Variants in CBL observed in about 807,000 individuals in gnomAD.
CBL encodes the protein E3 ubiquitin-protein ligase CBL.
CBL carries 45 observed loss-of-function variants against 96.9 expected under a neutral mutation model. The ratio of observed to expected loss-of-function variants is 0.46; its 90% CI spans 0.37 to 0.60. The LOEUF is 0.60. CBL is among the 20% of genes least tolerant of loss of function. The probability of loss-of-function intolerance (pLI) is 0.00; values close to 1 mark genes in which losing one functional copy is unlikely to be tolerated. For synonymous variants in CBL, 420 were observed against 426.8 expected, an observed-to-expected ratio of 0.98 and a Z score of 0.20; for missense variants, 1,024 against 1,143.5, an observed-to-expected ratio of 0.90 and a Z score of 1.51.
chr11:119,277,350 C>T (rs915072971), intron 6 of CBL, among the ~76,000 whole-genome samples: 1 of 151,726 alleles, frequency 6.6e-6, no homozygotes, highest in Non-Finnish European at 1.5e-5. Flanking sequence ...CCTGTTTGTT[C>T]CCCCGGGGAG....
At chr11:119,206,865 A>G (rs1949273943) in intron 1 of CBL, among the ~76,000 whole-genome samples, 1 of 150,330 alleles carries the variant, frequency 6.7e-6, no homozygotes, top group Non-Finnish European at 1.5e-5. Flanking sequence ...CCAGACAAAG[A>G]TGGAGTGGGG....
chr11:119,273,814 C>T (rs765568735), intron 3 of CBL, 54 bp from the exon 4 acceptor site: 1 of 1,499,030 alleles, frequency 6.7e-7, no homozygotes, highest in Non-Finnish European at 9.3e-7. Flanking sequence ...TATGGCGATG[C>T]CTGGAATTAT....
intron 9 of CBL, among the ~76,000 whole-genome samples, chr11:119,279,492 T>TA (rs36040058): frequency 0.38 from 55,851 of 147,958 alleles, 11,801 homozygotes; most frequent in South Asian, 0.6. Context: ...TGCCCCCCCC[T>TA]AAAAAAAAAA....
At chr11:119,234,708 G>A (rs1263301307) in intron 2 of CBL, among the ~76,000 whole-genome samples, 3 of 152,158 alleles carry the variant, frequency 2.0e-5, no homozygotes, top group African/African-American at 7.2e-5. Flanking sequence ...TGAGGTGGGA[G>A]GATTATTTCA....
chr11:119,278,631 C>T lies in CBL; in HGVS notation c.1349C>T (p.Ala450Val), dbSNP rs2135304733. 6.2e-7 allele frequency: 1 copy of T among 1,613,978 alleles called. No homozygotes were observed. The highest frequency in any genetic ancestry group is 8.5e-7 in the Non-Finnish European group (1 of 1,179,924). The change falls in exon 9 of 16, where the codon GCT (alanine) becomes GTT (valine). Residue 450 changes from alanine to valine, a missense_variant. Ala to Val is a moderately conservative substitution (Grantham distance 64, BLOSUM62 0). Coordinates refer to ENST00000264033, the MANE Select transcript of CBL (RefSeq NM_005188.4). ...GSLLRQGAEG[A>V]PSPNYDDDDD... ...CTGTTGAGGCAAGGAGCAGAGGGAG[C>T]TCCCTCCCCAAATTATGATGATGAT...
intron 1 of CBL, among the ~76,000 whole-genome samples, chr11:119,209,381 G>GC (rs1181906683): frequency 7.9e-5 from 12 of 152,322 alleles, no homozygotes; most frequent in African/African-American, 2.6e-4. Flanking sequence ...ACTTTGGGAG[G>GC]CCGAGGTGGG....
intron 2 of CBL, among the ~76,000 whole-genome samples, chr11:119,236,725 T>C (rs1180125569): frequency 1.3e-5 from 2 of 151,838 alleles, no homozygotes; most frequent in East Asian, 3.8e-4. Context: ...TTCTTTCCCC[T>C]AGCAATGTAT....
At chr11:119,269,246 CTTTTT>C (rs11317875) in intron 2 of CBL, among the ~76,000 whole-genome samples, 10 of 118,338 alleles carry the variant, frequency 8.5e-5, no homozygotes, top group Admixed American at 8.5e-5. Context: ...TGGATAAGTG[CTTTTT>C]TTTTTTTTTT....
chr11:119,231,753 G>T (rs187292444), intron 1 of CBL, among the ~76,000 whole-genome samples: 1 of 152,088 alleles, frequency 6.6e-6, no homozygotes, highest in Non-Finnish European at 1.5e-5. Flanking sequence ...AGAGTACAGA[G>T]ATTTACCTCC....
At chr11:119,249,580 A>G (rs976443140) in intron 2 of CBL, among the ~76,000 whole-genome samples, 8 of 151,260 alleles carry the variant, frequency 5.3e-5, no homozygotes, top group South Asian at 2.1e-4. Context: ...CTGTGGGCAC[A>G]TTATAGAGAA....
chr11:119,273,764 G>T (rs1429541010), intron 3 of CBL, 104 bp from the exon 4 acceptor site: 5 of 947,410 alleles, frequency 5.3e-6, no homozygotes, highest in Admixed American at 4.0e-5. Context: ...ATTGAAATTG[G>T]TATTGAGAGC....
At chr11:119,222,368 T>G (rs1224030557) in intron 1 of CBL, among the ~76,000 whole-genome samples, 1 of 152,222 alleles carries the variant, frequency 6.6e-6, no homozygotes, top group Non-Finnish European at 1.5e-5. Context: ...CATAACACTT[T>G]CCAAATTTTT....
intron 2 of CBL, among the ~76,000 whole-genome samples, chr11:119,249,865 G>A (rs1052261014): frequency 6.6e-6 from 1 of 151,710 alleles, no homozygotes; most frequent in African/African-American, 2.4e-5. Context: ...TGTTGCCCAG[G>A]CTGGTCTCAA....
rs557613837 is a variant in CBL at position 119,296,976 on chromosome 11, G to A, written c.2095G>A (p.Glu699Lys). ...GCAATGTGAGGGTGAAGAGGACACAGAGTACATGACTCCCTCTTCCAGGCC... is the reference window on the plus strand; with the variant it reads ...GCAATGTGAGGGTGAAGAGGACACAAAGTACATGACTCCCTCTTCCAGGCC... ...GEQCEGEEDT[E>K]YMTPSSRPLR... Residue 699 changes from glutamate to lysine, a missense_variant, in exon 13 of 16, where the codon GAG becomes AAG. Glu to Lys is a moderately conservative substitution (Grantham distance 56, BLOSUM62 1). Transcript: ENST00000264033. 1 of 1,612,766 alleles carries A rather than the reference G, an allele frequency of 6.2e-7. No individual in the cohort carries two copies. The highest frequency in any genetic ancestry group is 1.1e-5 in the South Asian group (1 of 91,050).
chr11:119,238,757 G>A (rs1169562732), intron 2 of CBL, among the ~76,000 whole-genome samples: 13 of 152,044 alleles, frequency 8.6e-5, no homozygotes, highest in Admixed American at 7.9e-4. Context: ...CTTGAACCCA[G>A]GAGGCGGAGG....
At position 119,305,737 on chromosome 11, in the gene CBL, A is replaced by G. The variant is rs997801579; in HGVS notation, c.*5956A>G. 4.0e-5 allele frequency: 9 copies of G among 226,528 alleles called. No homozygotes were observed. The highest frequency in any genetic ancestry group is 2.0e-4 in the African/African-American group (9 of 44,908). 14.0% of individuals were successfully genotyped at this position (226,528 alleles called of 1,614,324 possible). A position where few individuals can be genotyped will look rare whatever the true frequency, so the allele number is the denominator to read the frequency against. ...TGGCAATTGCTTTCATTTTAGTCCT[A>G]TATAAAAGCTTTCCTTTTCTGTTTT... On this transcript the variant is annotated 3_prime_UTR_variant, in exon 16 of 16. Transcript: ENST00000264033.
At chr11:119,250,107 A>G (rs576555938) in intron 2 of CBL, among the ~76,000 whole-genome samples, 4 of 152,254 alleles carry the variant, frequency 2.6e-5, no homozygotes, top group Admixed American at 2.0e-4. Context: ...ACCTTGTTCT[A>G]CACTGGATTC....
chr11:119,305,380 G>C lies in CBL; in HGVS notation c.*5599G>C. The C allele has an allele frequency of 4.3e-6, 1 of 231,184 alleles. No homozygotes were observed. The allele number at this position is 231,184 out of a possible 1,614,324, so 14.3% of individuals were successfully genotyped here. On this transcript the variant is annotated 3_prime_UTR_variant, in exon 16 of 16. Coordinates refer to ENST00000264033, the MANE Select transcript of CBL (RefSeq NM_005188.4). Reference sequence around the variant, plus strand: ...TTTTGCCTTCTTCCGTGTTTATTTAGAGAGCAGAATCTAATAACGGGTTCC... The same window carrying C: ...TTTTGCCTTCTTCCGTGTTTATTTACAGAGCAGAATCTAATAACGGGTTCC...
At chr11:119,260,582 TAA>T in intron 2 of CBL, among the ~76,000 whole-genome samples, 1 of 151,696 alleles carries the variant, frequency 6.6e-6, no homozygotes, top group East Asian at 1.9e-4. Context: ...TGGTACTTAG[TAA>T]GCCCTTAAAA....
Sources: gnomAD v4.1 joint callset for allele counts (sites outside exome capture counted in the v4.1 genomes callset) on GRCh38, gnomAD v4.1.1 for gene constraint, MANE v1.5 for transcripts, NCBI Gene and HGNC (gene_info 2026-07-23, HGNC 2026-07-21) for gene names.